The following OSBPL8 variants were observed in gnomAD, a reference collection of about 807,000 sequenced individuals.
The protein encoded by OSBPL8 is oxysterol binding protein like 8.
In OSBPL8, 59 loss-of-function variants were observed where a neutral mutation model predicts 125.5. The ratio of observed to expected loss-of-function variants is 0.47; its 90% CI spans 0.38 to 0.58. The LOEUF (loss-of-function observed/expected upper bound fraction) is 0.58. OSBPL8 is among the 20% of genes least tolerant of loss of function. The pLI is 0.00. For synonymous variants in OSBPL8, 330 were observed against 338.9 expected, an observed-to-expected ratio of 0.97 and a Z score of 0.29; for missense variants, 758 against 1,047.8, an observed-to-expected ratio of 0.72 and a Z score of 3.82.
At chr12:76,425,191 A>G (rs1336303915) in intron 4 of OSBPL8, among the ~76,000 whole-genome samples, 2 of 152,210 alleles carry the variant, frequency 1.3e-5, no homozygotes, top group African/African-American at 4.8e-5. Flanking sequence ...TATCAATTAC[A>G]TATTAGAGTA....
rs535665120 is a variant in OSBPL8 at position 76,488,390 on chromosome 12, C to T, written c.-67-772G>A. On this transcript the variant is annotated intron_variant, in intron 1 of 23. Transcript: ENST00000261183. ...TACCATGAATATGTATATCTACAGG[C>T]ATGCCTTGTTTTATTGTGTTTCGCT... 4.0e-4 allele frequency among the ~76,000 whole-genome samples: 61 copies of T among 152,260 alleles called. 4 individuals carry two copies. In the South Asian group the frequency reaches 0.012, roughly 31 times the overall value.
At chr12:76,391,435 C>T (rs769639782) in intron 10 of OSBPL8, among the ~76,000 whole-genome samples, 4 of 151,998 alleles carry the variant, frequency 2.6e-5, no homozygotes, top group Non-Finnish European at 5.9e-5. Context: ...CTATCTCATT[C>T]GGGCACCAGG....
intron 1 of OSBPL8, among the ~76,000 whole-genome samples, chr12:76,512,156 GT>G (rs1881064451): frequency 1.3e-5 from 2 of 152,142 alleles, no homozygotes; most frequent in South Asian, 4.1e-4. Context: ...CCCAGTGTCT[GT>G]TGTTTCCTTC....
chr12:76,470,995 A>C (rs1240306602), intron 2 of OSBPL8, among the ~76,000 whole-genome samples: 1 of 152,244 alleles, frequency 6.6e-6, no homozygotes, highest in African/African-American at 2.4e-5. Context: ...TAACAACTTT[A>C]AAAAGATGCT....
chr12:76,402,651 C>T, intron 6 of OSBPL8, 38 bp downstream of exon 6: 1 of 1,421,006 alleles, frequency 7.0e-7, no homozygotes, highest in Non-Finnish European at 9.9e-7. Flanking sequence ...ATGCAAAGCA[C>T]AATGTAAATT....
intron 21 of OSBPL8, among the ~76,000 whole-genome samples, chr12:76,363,795 C>G (rs1472888301): frequency 6.6e-6 from 1 of 152,112 alleles, no homozygotes; most frequent in Non-Finnish European, 1.5e-5. Flanking sequence ...CTACAAGGAA[C>G]TTAAACAAAT....
intron 21 of OSBPL8, among the ~76,000 whole-genome samples, chr12:76,368,837 G>T (rs2136186130): frequency 6.6e-6 from 1 of 152,282 alleles, no homozygotes; most frequent in African/African-American, 2.4e-5. Context: ...ACACAATTGT[G>T]TATGAGGTCC....
rs186255743 is a variant in OSBPL8, at chr12:76,462,874, T to C, written c.43-2979A>G. 2.1e-3 allele frequency among the ~76,000 whole-genome samples: 323 copies of C among 152,232 alleles called. 3 individuals are homozygous for C. Among genetic ancestry groups the C allele is most frequent in the Non-Finnish European group, 1.9e-3 (128 of 68,012 alleles). On this transcript the variant is annotated intron_variant, in intron 2 of 23. Coordinates refer to ENST00000261183, the MANE Select transcript of OSBPL8 (RefSeq NM_020841.5). ...GATGCAAGCAAGTCTGGAATGTTTA[T>C]GGAAGAGCACGAAGGCCAATGAGGC...
At position 76,527,350 on chromosome 12, in the gene OSBPL8, C is replaced by T. The variant is rs374036589; in HGVS notation, c.-68+32047G>A. Among the ~76,000 whole-genome samples, 3 of 152,136 alleles carry T rather than the reference C, an allele frequency of 2.0e-5. No homozygotes were observed. The South Asian group carries it at 6.2e-4, about 32-fold the overall frequency. The stretch of plus-strand genomic sequence containing the variant: ...TAAGGTTTTTCAACTTCAATTAAAA[C>T]CCTTTGATCCTACCTAATCAGGAAA... On this transcript the variant is annotated intron_variant, in intron 1 of 23. Transcript: ENST00000261183.
At position 76,464,220 on chromosome 12, in the gene OSBPL8, G is replaced by A. The variant is rs570488477; in HGVS notation, c.43-4325C>T. On this transcript the variant is annotated intron_variant, in intron 2 of 23. Coordinates refer to ENST00000261183, the MANE Select transcript of OSBPL8 (RefSeq NM_020841.5). ...GGAGTTCAAGGCTGCAGTGTACCACGATCCATGATCGCACCTGTGAACAGC... is the reference window on the plus strand; with the variant it reads ...GGAGTTCAAGGCTGCAGTGTACCACAATCCATGATCGCACCTGTGAACAGC... Among the ~76,000 whole-genome samples, 287 of 152,218 alleles carry A rather than the reference G, an allele frequency of 1.9e-3. 1 individual carries two copies. The highest frequency in any genetic ancestry group is 6.7e-3 in the African/African-American group (278 of 41,524).
intron 1 of OSBPL8, among the ~76,000 whole-genome samples, chr12:76,541,081 A>G (rs550750008): frequency 1.3e-5 from 2 of 152,230 alleles, no homozygotes; most frequent in African/African-American, 4.8e-5. Context: ...AGCTTCTCTA[A>G]GACACATAAC....
In OSBPL8 at chr12:76,389,783, CT is replaced by C; in HGVS notation, c.1213del (p.Ser405AlafsTer7). On this transcript the variant is annotated frameshift_variant, in exon 12 of 24. Transcript: ENST00000261183. LOFTEE classifies it high-confidence loss of function. The part of the protein sequence containing the change: ...QTETVSEENK[S>X]LIWTLLKQVR... ...TTGTTTCAATAGTGTCCAGATAAGG[CT>C]TTTGTTTTCTTCAGATACAGTTTCT... 6.4e-7 allele frequency: 1 copy of C among 1,573,604 alleles called. No individual in the cohort carries two copies. Among genetic ancestry groups the C allele is most frequent in the Non-Finnish European group, 8.6e-7 (1 of 1,158,928 alleles).
intron 1 of OSBPL8, among the ~76,000 whole-genome samples, chr12:76,510,037 A>G (rs1395777292): frequency 6.6e-6 from 1 of 152,214 alleles, no homozygotes; most frequent in Non-Finnish European, 1.5e-5. Context: ...TTAAATACAT[A>G]CTACTGTGCT....
In OSBPL8 at chr12:76,488,649, G is replaced by C. The variant is rs543270419; in HGVS notation, c.-67-1031C>G. Among the ~76,000 whole-genome samples, 3 of 152,240 alleles carry C rather than the reference G, an allele frequency of 2.0e-5. No individual in the cohort carries two copies. The East Asian group carries it at 5.8e-4, about 29-fold the overall frequency. Reference sequence around the variant, plus strand: ...TCATTTTGGGGCACCACAAACTGCAGCCATATAAAACAAGTAACTGAACTG... The same window carrying C: ...TCATTTTGGGGCACCACAAACTGCACCCATATAAAACAAGTAACTGAACTG... On this transcript the variant is annotated intron_variant, in intron 1 of 23. Transcript: ENST00000261183.
In OSBPL8 at chr12:76,369,204, T is replaced by A; in HGVS notation, c.2328+10A>T. 6.2e-7 allele frequency: 1 copy of A among 1,605,480 alleles called. No homozygotes were observed. Among genetic ancestry groups the A allele is most frequent in the Non-Finnish European group, 8.5e-7 (1 of 1,177,520 alleles). The stretch of plus-strand genomic sequence containing the variant: ...TATATACCTAGTGTACCTAGTTTTT[T>A]ATTACATACCATTGGAGTACGATGT... On this transcript the variant is annotated intron_variant, in intron 21 of 23. Transcript: ENST00000261183.
At chr12:76,431,664 C>G (rs1011853134) in intron 4 of OSBPL8, among the ~76,000 whole-genome samples, 5 of 152,076 alleles carry the variant, frequency 3.3e-5, no homozygotes, top group African/African-American at 1.2e-4. Flanking sequence ...AGACAAAGGC[C>G]ATTACAATAA....
At chr12:76,406,640 G>A (rs188294738) in intron 5 of OSBPL8, among the ~76,000 whole-genome samples, 12 of 152,182 alleles carry the variant, frequency 7.9e-5, no homozygotes, top group Non-Finnish European at 1.5e-5. Flanking sequence ...TTTTTGAGAT[G>A]GGTCTCACTC....
At chr12:76,358,853 T>C (rs1592511066) in intron 21 of OSBPL8, 42 bp from the exon 22 acceptor site, 1 of 1,516,058 alleles carries the variant, frequency 6.6e-7, no homozygotes, top group Non-Finnish European at 9.2e-7. Flanking sequence ...GCACTGTATT[T>C]TGGACTAAAG....
intron 6 of OSBPL8, among the ~76,000 whole-genome samples, chr12:76,402,353 C>T (rs1954083178): frequency 6.6e-6 from 1 of 152,176 alleles, no homozygotes; most frequent in Admixed American, 6.5e-5. Context: ...TCTCTAATTT[C>T]AATGGGTGCC....
Sources: gnomAD v4.1 joint callset for allele counts (sites outside exome capture counted in the v4.1 genomes callset) on GRCh38, gnomAD v4.1.1 for gene constraint, MANE v1.5 for transcripts, NCBI Gene and HGNC (gene_info 2026-07-23, HGNC 2026-07-21) for gene names.